WASL: variants seen among roughly 807,000 people sequenced by gnomAD.
WASL encodes WASP like actin nucleation promoting factor.
In WASL, 20 loss-of-function variants were observed where a neutral mutation model predicts 55.5. That is an observed-to-expected ratio of 0.36 (90% CI 0.25 to 0.52). The LOEUF (loss-of-function observed/expected upper bound fraction) is 0.52, where lower values mean the gene tolerates loss of function less well. Among genes scored for constraint, WASL ranks in the 20% least tolerant of loss-of-function variants. The probability of loss-of-function intolerance (pLI) is 0.92; values close to 1 mark genes in which losing one functional copy is unlikely to be tolerated. For missense variants in WASL, 504 were observed against 622.5 expected (o/e 0.81, Z 2.03); for synonymous variants, 249 against 217.6 (o/e 1.14, Z -1.27).
At chr7:123,693,070 T>C (rs994719575) in intron 8 of WASL, among the ~76,000 whole-genome samples, 2 of 152,162 alleles carry the variant, frequency 1.3e-5, no homozygotes, top group Non-Finnish European at 2.9e-5. Flanking sequence ...GATCACTTTC[T>C]TATTGGTTCT....
chr7:123,726,275 G>A (rs1483838674), intron 1 of WASL, among the ~76,000 whole-genome samples: 3 of 152,054 alleles, frequency 2.0e-5, no homozygotes, highest in Non-Finnish European at 4.4e-5. Context: ...TTACCAAATG[G>A]TGCTGTATCA....
intron 1 of WASL, among the ~76,000 whole-genome samples, chr7:123,739,908 GTGTGTGTATATA>G (rs1025142067): frequency 6.2e-4 from 18 of 28,876 alleles, no homozygotes; most frequent in South Asian, 4.8e-3. Flanking sequence ...GTGTGTGTGT[GTGTGTGTATATA>G]TATATATATA....
intron 1 of WASL, among the ~76,000 whole-genome samples, chr7:123,712,331 C>T (rs1384629100): frequency 1.3e-5 from 2 of 152,230 alleles, no homozygotes; most frequent in African/African-American, 4.8e-5. Flanking sequence ...TTTCACTCCA[C>T]CTATACTTTG....
chr7:123,693,621 CATG>C (rs1295967521), intron 8 of WASL, among the ~76,000 whole-genome samples: 3 of 152,170 alleles, frequency 2.0e-5, no homozygotes, highest in Non-Finnish European at 4.4e-5. Context: ...TTCCAGTAGT[CATG>C]ATATTAGCAT....
intron 9 of WASL, among the ~76,000 whole-genome samples, chr7:123,690,463 A>C (rs1670941184): frequency 6.7e-6 from 1 of 149,298 alleles, no homozygotes; most frequent in African/African-American, 2.5e-5. Context: ...CTTTTTCAAA[A>C]AATAACGAAC....
At chr7:123,720,834 T>C (rs1420303016) in intron 1 of WASL, among the ~76,000 whole-genome samples, 1 of 151,894 alleles carries the variant, frequency 6.6e-6, no homozygotes, top group Non-Finnish European at 1.5e-5. Flanking sequence ...GTGGATGTAT[T>C]GGCTTTCCAA....
intron 1 of WASL, among the ~76,000 whole-genome samples, chr7:123,739,633 G>A (rs780476264): frequency 1.3e-5 from 2 of 152,090 alleles, no homozygotes; most frequent in African/African-American, 2.4e-5. Context: ...TTTAAGGAAG[G>A]CTAGGCTAAG....
chr7:123,711,528 G>A (rs1184567281), intron 1 of WASL, among the ~76,000 whole-genome samples: 1 of 152,022 alleles, frequency 6.6e-6, no homozygotes, highest in East Asian at 1.9e-4. Context: ...ACCTTCATCT[G>A]GCAGTCTGAA....
intron 9 of WASL, among the ~76,000 whole-genome samples, chr7:123,691,897 G>A (rs1394049816): frequency 1.3e-5 from 2 of 152,108 alleles, no homozygotes; most frequent in Non-Finnish European, 2.9e-5. Context: ...TTCAAGTAGG[G>A]CTATTTTTAA....
chr7:123,726,421 C>G (rs1804040341), intron 1 of WASL, among the ~76,000 whole-genome samples: 1 of 152,048 alleles, frequency 6.6e-6, no homozygotes, highest in South Asian at 2.1e-4. Flanking sequence ...CACAAAGCTC[C>G]TAGAAGCAGC....
chr7:123,716,830 A>G (rs1004430266), intron 1 of WASL, among the ~76,000 whole-genome samples: 2 of 152,164 alleles, frequency 1.3e-5, no homozygotes, highest in South Asian at 2.1e-4. Context: ...AATAGCACTT[A>G]ATACCACTTC....
intron 1 of WASL, among the ~76,000 whole-genome samples, chr7:123,726,622 T>C (rs746816719): frequency 2.6e-5 from 4 of 152,176 alleles, no homozygotes; most frequent in Non-Finnish European, 5.9e-5. Context: ...CCCAGTACTT[T>C]GGGAGGCCAA....
intron 1 of WASL, among the ~76,000 whole-genome samples, chr7:123,747,909 A>G (rs1584878591): frequency 6.6e-6 from 1 of 152,102 alleles, no homozygotes; most frequent in Non-Finnish European, 1.5e-5. Flanking sequence ...CCCAAAAGCC[A>G]AGAGCTACCA....
intron 1 of WASL, among the ~76,000 whole-genome samples, chr7:123,737,443 A>G (rs970802158): frequency 6.6e-6 from 1 of 151,980 alleles, no homozygotes; most frequent in Non-Finnish European, 1.5e-5. Flanking sequence ...TAAAAATACA[A>G]AAGTTAGCTG....
chr7:123,748,436 G>T (rs1169908647), intron 1 of WASL, among the ~76,000 whole-genome samples, 182 bp downstream of exon 1: 1 of 151,854 alleles, frequency 6.6e-6, no homozygotes, highest in African/African-American at 2.4e-5. Flanking sequence ...GCGCCCGACC[G>T]CCACGGCCCG....
intron 9 of WASL, 80 bp downstream of exon 9, chr7:123,692,265 TTC>T (rs1462408082): frequency 1.3e-6 from 2 of 1,498,394 alleles, no homozygotes; most frequent in East Asian, 4.9e-5. Flanking sequence ...GAATACACTT[TTC>T]AAAAATATCT....
intron 10 of WASL, among the ~76,000 whole-genome samples, chr7:123,688,702 C>A (rs1367691193): frequency 3.3e-5 from 5 of 152,094 alleles, no homozygotes; most frequent in South Asian, 2.1e-4. Flanking sequence ...GGAATGAGAT[C>A]TAAAAATCTC....
At chr7:123,721,352 C>T (rs1803939589) in intron 1 of WASL, among the ~76,000 whole-genome samples, 1 of 152,016 alleles carries the variant, frequency 6.6e-6, no homozygotes, top group Admixed American at 6.5e-5. Flanking sequence ...AAAAAACGTG[C>T]AAAAGGTAGG....
At chr7:123,719,510 A>C (rs1328753637) in intron 1 of WASL, among the ~76,000 whole-genome samples, 1 of 152,174 alleles carries the variant, frequency 6.6e-6, no homozygotes, top group African/African-American at 2.4e-5. Flanking sequence ...GTAAGCTGTA[A>C]GTCTGCCTTT....
Sources: allele counts gnomAD v4.1 joint callset (sites outside exome capture counted in the v4.1 genomes callset), GRCh38; gene constraint gnomAD v4.1.1; transcripts MANE v1.5; gene names NCBI Gene and HGNC (gene_info 2026-07-23, HGNC 2026-07-21).